The following SPTBN2 variants were observed in gnomAD, a reference collection of about 807,000 sequenced individuals.
The protein encoded by SPTBN2 is spectrin beta, non-erythrocytic 2.
In SPTBN2, 107 loss-of-function variants were observed where a neutral mutation model predicts 284.2. The ratio of observed to expected loss-of-function variants is 0.38; its 90% confidence interval spans 0.32 to 0.44. The LOEUF is 0.44. Among genes scored for constraint, SPTBN2 ranks in the 20% least tolerant of loss-of-function variants. The probability of loss-of-function intolerance (pLI) is 1.00; values close to 1 mark genes in which losing one functional copy is unlikely to be tolerated. For missense variants in SPTBN2, 2,569 were observed against 3,287.1 expected (o/e 0.78, Z 5.34); for synonymous variants, 1,289 against 1,354.8 (o/e 0.95, Z 1.07).
chr11:66,727,569 C>G (rs1942663826), intron 1 of SPTBN2, among the ~76,000 whole-genome samples: 1 of 152,230 alleles, frequency 6.6e-6, no homozygotes, highest in Non-Finnish European at 1.5e-5. Context: ...GCCACAGAAA[C>G]GCCGCACGCG....
intron 15 of SPTBN2, among the ~76,000 whole-genome samples, chr11:66,702,937 CAAAAAAAAAAAAA>C (rs1170116245): frequency 4.7e-5 from 2 of 42,630 alleles, no homozygotes; most frequent in Non-Finnish European, 7.7e-5. Flanking sequence ...GACTCCGTCT[CAAAAAAAAAAAAA>C]AAAAAAAAAA....
intron 21 of SPTBN2, among the ~76,000 whole-genome samples, chr11:66,694,714 T>C (rs1161622809): frequency 6.6e-6 from 1 of 152,250 alleles, no homozygotes; most frequent in African/African-American, 2.4e-5. Context: ...GTGATAACTG[T>C]GCCCATTATC....
chr11:66,722,892 C>CAAA (rs1293210992), intron 1 of SPTBN2, among the ~76,000 whole-genome samples: 20 of 55,110 alleles, frequency 3.6e-4, no homozygotes, highest in East Asian at 5.0e-4. Context: ...GATTCTGCCT[C>CAAA]AAAAAAAAAA....
upstream of SPTBN2, among the ~76,000 whole-genome samples, chr11:66,732,651 C>CAAAAA (rs58620927): frequency 1.3e-5 from 1 of 75,838 alleles, no homozygotes; most frequent in Non-Finnish European, 2.5e-5. Context: ...CTCTGTCTCT[C>CAAAAA]AAAAAAAAAA....
intron 15 of SPTBN2, among the ~76,000 whole-genome samples, chr11:66,702,197 C>T (rs924021883): frequency 6.6e-6 from 1 of 152,194 alleles, no homozygotes; most frequent in African/African-American, 2.4e-5. Context: ...GATGGAGTCT[C>T]GCTCTGTCAC....
rs1940761343 is a variant in SPTBN2 at position 66,694,193 on chromosome 11, G to A, written c.4449C>T (p.Arg1483=). Residue 1483 remains arginine, a synonymous_variant, in exon 22 of 38, where the codon CGC becomes CGT. Transcript: ENST00000533211. ...LCQPMRERCR[R]LQASREQHQF... is the part of the protein sequence containing the mutation. ...GGTGCTGCTCGCGAGAAGCCTGCAG[G>A]CGCCGGCAGCGTTCCCGCATGGGCT... The A allele has an allele frequency of 6.2e-7, 1 of 1,613,142 alleles. No individual in the cohort carries two copies. Among genetic ancestry groups the A allele is most frequent in the Non-Finnish European group, 8.5e-7 (1 of 1,180,026 alleles).
chr11:66,712,092 G>C (rs902541106), intron 8 of SPTBN2, among the ~76,000 whole-genome samples: 1 of 152,218 alleles, frequency 6.6e-6, no homozygotes, highest in Admixed American at 6.5e-5. Context: ...CAGGCTGCCT[G>C]AACGCCAATC....
chr11:66,690,295 C>T lies in SPTBN2; in HGVS notation c.5566-12G>A, dbSNP rs762734871. ...TGCACCTGCTGGACCTGCGGAGCCCCGGGTCAGAGTCAGGCAGAGCGGGGG... is the reference window on the plus strand; with the variant it reads ...TGCACCTGCTGGACCTGCGGAGCCCTGGGTCAGAGTCAGGCAGAGCGGGGG... On this transcript the variant is annotated splice_polypyrimidine_tract_variant and intron_variant, in intron 27 of 37. Coordinates refer to ENST00000533211, the MANE Select transcript of SPTBN2 (RefSeq NM_006946.4). 1.1e-5 allele frequency: 17 copies of T among 1,598,844 alleles called. No homozygotes were observed. The highest frequency in any genetic ancestry group is 2.7e-5 in the African/African-American group (2 of 74,630).
At position 66,705,152 on chromosome 11, in the gene SPTBN2, C is replaced by T; in HGVS notation, c.2124G>A (p.Val708=). ...KLTLEQGQQL[V]AEGHPGASQA... is the part of the protein sequence containing the mutation. The stretch of plus-strand genomic sequence containing the variant: ...GGCTTGCCCCAGGGTGACCCTCGGC[C>T]ACCAACTGCTGGCCCTGCTCCAGGG... The change falls in exon 15 of 38, where the codon GTG becomes GTA. Residue 708 remains valine, a synonymous_variant. Transcript: ENST00000533211. 6.5e-7 allele frequency: 1 copy of T among 1,536,678 alleles called. No homozygotes were observed.
chr11:66,742,379 G>C (rs1192476520), intron 1 of SPTBN2, among the ~76,000 whole-genome samples: 1 of 152,110 alleles, frequency 6.6e-6, no homozygotes, highest in African/African-American at 2.4e-5. Flanking sequence ...CCTATGTCCA[G>C]TAGGGAGGAC....
At chr11:66,726,107 G>A (rs1475396000) in intron 1 of SPTBN2, among the ~76,000 whole-genome samples, 2 of 152,140 alleles carry the variant, frequency 1.3e-5, no homozygotes, top group Non-Finnish European at 2.9e-5. Context: ...TCCAGACTCA[G>A]TACAACAGAT....
intron 1 of SPTBN2, among the ~76,000 whole-genome samples, chr11:66,740,942 C>T (rs1483654609): frequency 1.3e-5 from 2 of 152,118 alleles, no homozygotes; most frequent in Non-Finnish European, 2.9e-5. Context: ...AAGGAAAGCT[C>T]AACAGTCCCT....
Position 66,715,011 on chromosome 11 carries a change from C to T in SPTBN2, c.483+211G>A, listed in dbSNP as rs1409576079. On this transcript the variant is annotated intron_variant, in intron 5 of 37. Transcript: ENST00000533211. This position sits in a 1 kb window ranked among gnomAD's most constrained non-coding sequence, Gnocchi z 5.3. ...AGACCAGAACACAGGGAATTTGCCA[C>T]AGGGGTGTGACATTCACCCAAGCTG... is the stretch of plus-strand genomic sequence containing the variant. 6.6e-6 allele frequency among the ~76,000 whole-genome samples: 1 copy of T among 152,200 alleles called. No homozygotes were observed. Among genetic ancestry groups the T allele is most frequent in the Non-Finnish European group, 1.5e-5 (1 of 68,048 alleles).
intron 1 of SPTBN2, among the ~76,000 whole-genome samples, chr11:66,742,662 T>C (rs1280669307): frequency 6.6e-6 from 1 of 151,682 alleles, no homozygotes; most frequent in Non-Finnish European, 1.5e-5. Flanking sequence ...CGGGCTAGAG[T>C]GCAGTGGTGT....
chr11:66,701,764 G>C, intron 15 of SPTBN2, 43 bp from the exon 16 acceptor site: 1 of 1,613,628 alleles, frequency 6.2e-7, no homozygotes, highest in East Asian at 2.2e-5. Context: ...GGGAGGCAGC[G>C]ATGTGCCCAG....
At chr11:66,711,123 G>A in intron 8 of SPTBN2, 94 bp from the exon 9 acceptor site, 1 of 962,154 alleles carries the variant, frequency 1.0e-6, no homozygotes, top group Non-Finnish European at 1.7e-6. Flanking sequence ...AGTCCTCCAA[G>A]GCTGACATCT....
chr11:66,708,337 T>C lies in SPTBN2; in HGVS notation c.1192-38A>G. The C allele has an allele frequency of 6.5e-7, 1 of 1,533,536 alleles. No homozygotes were observed. Among genetic ancestry groups the C allele is most frequent in the Non-Finnish European group, 8.8e-7 (1 of 1,135,398 alleles). 95.0% of individuals were successfully genotyped at this position (1,533,536 alleles called of 1,614,324 possible). ...GACAGGGTTAGTGGAAGGGACAGGG[T>C]GGGGAGGGCTCAGTGGGGCTGGAGG... On this transcript the variant is annotated intron_variant, in intron 11 of 37. Transcript: ENST00000533211. The surrounding 1 kb of genome is among the most constrained non-coding windows in gnomAD (Gnocchi z 4.4).
At position 66,704,267 on chromosome 11, in the gene SPTBN2, C is replaced by T. The variant is rs539359975; in HGVS notation, c.2678+331G>A. On this transcript the variant is annotated intron_variant, in intron 15 of 37. Transcript: ENST00000533211. ...GATTACAGGTGTGAGCCACCGTGCCCGGCCGCTTCCTTGTATTTCTTAAAG... is the reference window on the plus strand; with the variant it reads ...GATTACAGGTGTGAGCCACCGTGCCTGGCCGCTTCCTTGTATTTCTTAAAG... Among the ~76,000 whole-genome samples, 11 of 152,124 alleles carry T rather than the reference C, an allele frequency of 7.2e-5. 1 individual carries two copies. Among genetic ancestry groups the T allele is most frequent in the Middle Eastern group, 3.4e-3 (1 of 294 alleles).
At chr11:66,717,840 A>G (rs1276657188) in intron 3 of SPTBN2, among the ~76,000 whole-genome samples, 1 of 152,086 alleles carries the variant, frequency 6.6e-6, no homozygotes, top group Admixed American at 6.5e-5. Context: ...CACACACACA[A>G]CAGTGATTCC....
Sources: allele counts gnomAD v4.1 joint callset (sites outside exome capture counted in the v4.1 genomes callset), GRCh38; gene constraint gnomAD v4.1.1; non-coding constraint Gnocchi (gnomAD v3.1); transcripts MANE v1.5; gene names NCBI Gene and HGNC (gene_info 2026-07-23, HGNC 2026-07-21).